The following CEP290 variants were observed in gnomAD, a reference collection of about 807,000 sequenced individuals.
CEP290 encodes centrosomal protein of 290 kDa.
In CEP290, 317 loss-of-function variants were observed where a neutral mutation model predicts 344.9. That is an observed-to-expected ratio of 0.92 (90% CI 0.84 to 1.01). The LOEUF is 1.01. Among genes scored for constraint, CEP290 ranks in the 50% least tolerant of loss-of-function variants. The pLI is 0.00. For synonymous variants in CEP290, 932 were observed against 895.8 expected (o/e 1.04, Z -0.72); for missense variants, 2,754 against 2,761.4 (o/e 1.00, Z 0.06).
intron 44 of CEP290, among the ~76,000 whole-genome samples, chr12:88,065,927 C>T (rs889694978): frequency 5.3e-5 from 8 of 152,112 alleles, no homozygotes; most frequent in African/African-American, 1.2e-4. Flanking sequence ...ACGAACTTCA[C>T]GAGACTTCCA....
Position 88,089,428 on chromosome 12 carries a change from T to C in CEP290, c.3633A>G (p.Gln1211=), listed in dbSNP as rs747474049. 6.8e-5 allele frequency: 109 copies of C among 1,605,020 alleles called. No individual in the cohort carries two copies. The highest frequency in any genetic ancestry group is 1.6e-4 in the Middle Eastern group (1 of 6,074). Reference sequence around the variant, plus strand: ...TACCAAGAGCAGTAGCCTCACTCAGTTGAAGAGAGACATTATGTTGGTGCA... The same window carrying C: ...TACCAAGAGCAGTAGCCTCACTCAGCTGAAGAGAGACATTATGTTGGTGCA... ...AKLHQHNVSL[Q]LSEATALGKL... The change falls in exon 31 of 54, where the codon CAA becomes CAG. Residue 1211 remains glutamine, a synonymous_variant. Coordinates refer to ENST00000552810, the MANE Select transcript of CEP290 (RefSeq NM_025114.4).
intron 12 of CEP290, 78 bp from the exon 13 acceptor site, chr12:88,125,447 T>A (rs1163703087): frequency 1.0e-5 from 7 of 694,766 alleles, no homozygotes. Flanking sequence ...TACGTCTGAT[T>A]TTTTTCAACA....
chr12:88,091,514 GT>G (rs1257029198), intron 29 of CEP290, among the ~76,000 whole-genome samples: 1 of 152,020 alleles, frequency 6.6e-6, no homozygotes, highest in Non-Finnish European at 1.5e-5. Context: ...TTTGCTTTGG[GT>G]TAGAATAATT....
chr12:88,136,504 G>C (rs1451805426), intron 6 of CEP290, 139 bp downstream of exon 6: 1 of 785,500 alleles, frequency 1.3e-6, no homozygotes, highest in African/African-American at 1.8e-5. Context: ...AAAATGAACA[G>C]TGATATAAAA....
Position 88,106,808 on chromosome 12 carries a change from G to GCAAA in CEP290, c.2683_2684insTTTG (p.Ser895PhefsTer18), listed in dbSNP as rs1218873934. On this transcript the variant is annotated frameshift_variant, in exon 25 of 54. Transcript: ENST00000552810. LOFTEE classifies it high-confidence loss of function. Reference sequence around the variant, plus strand: ...TAAGGTTGTATATTGCCTTATAAGTGATTTTTCATTCACTTGCAAAACAGT... The same window carrying GCAAA: ...TAAGGTTGTATATTGCCTTATAAGTGCAAAATTTTTCATTCACTTGCAAAACAGT... The GCAAA allele has an allele frequency of 6.2e-7, 1 of 1,608,148 alleles. No homozygotes were observed.
chr12:88,129,661 GA>G (rs1555225535), intron 10 of CEP290, 32 bp downstream of exon 10: 1 of 1,217,932 alleles, frequency 8.2e-7, no homozygotes, highest in Non-Finnish European at 1.1e-6. Flanking sequence ...TATGAAGTCT[GA>G]ATAAATAAGT....
At position 88,136,581 on chromosome 12, in the gene CEP290, A is replaced by G. The variant is rs759603499; in HGVS notation, c.441+62T>C. On this transcript the variant is annotated intron_variant, in intron 6 of 53. Coordinates refer to ENST00000552810, the MANE Select transcript of CEP290 (RefSeq NM_025114.4). ...AATATAAAAATTGATATTGTTACCA[A>G]TAATAATAAAAAGCCAGGTAACTTG... 9 of 1,489,730 alleles carry G rather than the reference A, an allele frequency of 6.0e-6. No individual in the cohort carries two copies. The Admixed American group carries it at 1.2e-4, about 20-fold the overall frequency. 92.3% of individuals were successfully genotyped at this position (1,489,730 alleles called of 1,614,324 possible). A position where few individuals can be genotyped will look rare whatever the true frequency, so the allele number is the denominator to read the frequency against.
intron 53 of CEP290, 35 bp downstream of exon 53, chr12:88,050,319 T>C: frequency 9.2e-7 from 1 of 1,085,664 alleles, no homozygotes; most frequent in Non-Finnish European, 1.4e-6. Context: ...ACAGCTGTTT[T>C]CACAAAACGA....
chr12:88,070,636 GT>G (rs553061795), intron 43 of CEP290, among the ~76,000 whole-genome samples: 1 of 152,102 alleles, frequency 6.6e-6, no homozygotes, highest in South Asian at 2.1e-4. Context: ...GGTAAAAGTC[GT>G]TTTTTTCTTC....
chr12:88,133,072 GTTT>G lies in CEP290; in HGVS notation c.442-1857_442-1855del, dbSNP rs778943616. Among the ~76,000 whole-genome samples, 6 of 129,024 alleles carry G rather than the reference GTTT, an allele frequency of 4.7e-5. No individual in the cohort carries two copies. In the East Asian group the frequency reaches 6.6e-4, roughly 14 times the overall value. 84.6% of individuals were successfully genotyped at this position (129,024 alleles called of 152,430 possible). On this transcript the variant is annotated intron_variant, in intron 6 of 53. Transcript: ENST00000552810. ...CTGCAAAGGACATGATCTTGTTCCGGTTTTTTTTTTTTTTTTTTTTTGAGACAA... is the reference window on the plus strand; with the variant it reads ...CTGCAAAGGACATGATCTTGTTCCGGTTTTTTTTTTTTTTTTTTGAGACAA...
At chr12:88,071,034 A>G (rs2035332042) in intron 43 of CEP290, among the ~76,000 whole-genome samples, 1 of 152,198 alleles carries the variant, frequency 6.6e-6, no homozygotes, top group South Asian at 2.1e-4. Context: ...GAACCTAATT[A>G]GACCGATTGC....
Position 88,077,222 on chromosome 12 carries a change from C to A in CEP290, c.5709G>T (p.Lys1903Asn). 6.3e-7 allele frequency: 1 copy of A among 1,599,360 alleles called. No individual in the cohort carries two copies. The highest frequency in any genetic ancestry group is 2.3e-5 in the East Asian group (1 of 44,390). The part of the protein sequence containing the change: ...EEVDLKPMKE[K>N]NAKEELIRWE... ...TAAGTCAGTATGTTTCTTCACATAC[C>A]TTTTCTTTCATAGGTTTTAGGTCTA... Residue 1903 changes from lysine (K) to asparagine (N), a missense_variant and splice_region_variant, in exon 41 of 54, where the codon AAG becomes AAT. Physicochemically the swap from Lys to Asn is moderately conservative, Grantham distance 94 (BLOSUM62 0). Coordinates refer to ENST00000552810, the MANE Select transcript of CEP290 (RefSeq NM_025114.4).
intron 20 of CEP290, among the ~76,000 whole-genome samples, chr12:88,114,032 C>G (rs977439540): frequency 1.3e-5 from 2 of 152,006 alleles, no homozygotes; most frequent in African/African-American, 4.8e-5. Context: ...TTGCAGAGAT[C>G]TATCATCTTT....
At position 88,049,058 on chromosome 12, in the gene CEP290, A is replaced by G. The variant is rs2033208896; in HGVS notation, c.*126T>C. Reference sequence around the variant, plus strand: ...ATAATTTTATTTATTAAGAATTCCAATCTAAGTATAAAGGTACAAGGTAGT... The same window carrying G: ...ATAATTTTATTTATTAAGAATTCCAGTCTAAGTATAAAGGTACAAGGTAGT... On this transcript the variant is annotated 3_prime_UTR_variant, in exon 54 of 54. Coordinates refer to ENST00000552810, the MANE Select transcript of CEP290 (RefSeq NM_025114.4). 2 of 475,846 alleles carry G rather than the reference A, an allele frequency of 4.2e-6. No individual in the cohort carries two copies. The highest frequency in any genetic ancestry group is 6.9e-5 in the East Asian group (2 of 28,950). 29.5% of individuals were successfully genotyped at this position (475,846 alleles called of 1,614,324 possible). A position where few individuals can be genotyped will look rare whatever the true frequency, so the allele number is the denominator to read the frequency against.
chr12:88,083,319 A>T (rs1325366180), intron 36 of CEP290, 89 bp from the exon 37 acceptor site: 11 of 682,678 alleles, frequency 1.6e-5, no homozygotes, highest in Non-Finnish European at 2.5e-5. Flanking sequence ...CAAATGATCA[A>T]AATATAATAT....
At chr12:88,110,267 A>T (rs1393795464) in intron 22 of CEP290, among the ~76,000 whole-genome samples, 1 of 152,200 alleles carries the variant, frequency 6.6e-6, no homozygotes, top group Non-Finnish European at 1.5e-5. Context: ...AGGATCTGTC[A>T]TTAGGACATT....
intron 13 of CEP290, among the ~76,000 whole-genome samples, chr12:88,123,587 T>C (rs116866443): frequency 0.016 from 2,441 of 152,200 alleles, 27 homozygotes; most frequent in East Asian, 0.023. Context: ...CTTTTCAGTC[T>C]CCTTTGGTAG....
At chr12:88,105,981 T>A (rs2038247073) in intron 25 of CEP290, among the ~76,000 whole-genome samples, 1 of 152,108 alleles carries the variant, frequency 6.6e-6, no homozygotes, top group African/African-American at 2.4e-5. Context: ...CCTAGGCTGG[T>A]CTGGGCTCAG....
At chr12:88,112,774 G>A (rs1225892516) in intron 20 of CEP290, among the ~76,000 whole-genome samples, 1 of 152,106 alleles carries the variant, frequency 6.6e-6, no homozygotes, top group African/African-American at 2.4e-5. Flanking sequence ...ATTAGAGCAG[G>A]TCATGCAGAG....
Sources: gnomAD v4.1 joint callset for allele counts (sites outside exome capture counted in the v4.1 genomes callset) on GRCh38, gnomAD v4.1.1 for gene constraint, MANE v1.5 for transcripts, NCBI Gene and HGNC (gene_info 2026-07-23, HGNC 2026-07-21) for gene names.